HK1: variants seen among roughly 807,000 people sequenced by gnomAD.
HK1 encodes hexokinase-1.
HK1 carries 28 observed loss-of-function variants against 91.6 expected under a neutral mutation model. The ratio of observed to expected loss-of-function variants is 0.31; its 90% CI spans 0.23 to 0.42. The LOEUF (loss-of-function observed/expected upper bound fraction) is 0.42. HK1 is among the 10% of genes least tolerant of loss of function. The pLI is 1.00. For missense variants in HK1, 770 were observed against 1,219.8 expected, an observed-to-expected ratio of 0.63 and a Z score of 5.49; for synonymous variants, 430 against 468.1, an observed-to-expected ratio of 0.92 and a Z score of 1.05.
intron 3 of HK1, among the ~76,000 whole-genome samples, chr10:69,292,645 G>T (rs1018695660): frequency 6.6e-6 from 1 of 152,142 alleles, no homozygotes; most frequent in Non-Finnish European, 1.5e-5. Context: ...TCTGGGTCTG[G>T]GCACTAAGAT....
At chr10:69,392,720 G>T (rs544128401) in intron 15 of HK1, among the ~76,000 whole-genome samples, 8 of 151,542 alleles carry the variant, frequency 5.3e-5, no homozygotes, top group African/African-American at 2.0e-4. Flanking sequence ...TAGTGGCCTT[G>T]TGGAGCTTTG....
chr10:69,310,852 T>G (rs1846337542), upstream of HK1, among the ~76,000 whole-genome samples: 1 of 151,900 alleles, frequency 6.6e-6, no homozygotes, highest in Non-Finnish European at 1.5e-5. Context: ...AGGTCAGGAG[T>G]TCGAGACCAG....
chr10:69,382,518 C>A lies in HK1; in HGVS notation c.1297C>A (p.Arg433Ser). The A allele has an allele frequency of 6.2e-7, 1 of 1,614,208 alleles. No individual in the cohort carries two copies. Among genetic ancestry groups the A allele is most frequent in the Non-Finnish European group, 8.5e-7 (1 of 1,180,032 alleles). ...YSRRFHKTLR[R>S]LVPDSDVRFL... ...CCGGCGTTTCCACAAGACTCTAAGG[C>A]GCTTGGTGCCAGACTCCGATGTGCG... The change falls in exon 10 of 18, where the codon CGC (arginine) becomes AGC (serine). Residue 433 changes from arginine to serine, a missense_variant. Coordinates refer to ENST00000359426, the MANE Select transcript of HK1 (RefSeq NM_000188.3).
At chr10:69,322,635 A>G (rs555151921) in intron 1 of HK1, among the ~76,000 whole-genome samples, 1 of 152,352 alleles carries the variant, frequency 6.6e-6, no homozygotes, top group East Asian at 1.9e-4. Flanking sequence ...TCACACCTGT[A>G]ATCTCAGCAC....
chr10:69,298,516 A>G (rs1305076368), intron 4 of HK1, among the ~76,000 whole-genome samples: 1 of 151,846 alleles, frequency 6.6e-6, no homozygotes, highest in Non-Finnish European at 1.5e-5. Context: ...AATCCCAGCT[A>G]CTTGAGAGGC....
At chr10:69,346,597 C>G (rs1848575456) in intron 2 of HK1, among the ~76,000 whole-genome samples, 1 of 151,704 alleles carries the variant, frequency 6.6e-6, no homozygotes, top group Non-Finnish European at 1.5e-5. Context: ...GTCTTGAACT[C>G]CTAGGCTCAG....
intron 2 of HK1, among the ~76,000 whole-genome samples, chr10:69,351,230 A>G (rs1445808113): frequency 4.1e-5 from 6 of 147,418 alleles, no homozygotes; most frequent in African/African-American, 1.5e-4. Context: ...AAGCTAGGCC[A>G]GGCACGGTGG....
intron 3 of HK1, 97 bp downstream of exon 3, chr10:69,360,142 G>A: frequency 8.3e-7 from 1 of 1,211,066 alleles, no homozygotes; most frequent in African/African-American, 1.5e-5. Flanking sequence ...CCAAGCCCCT[G>A]GAAGAGGGTT....
intron 2 of HK1, among the ~76,000 whole-genome samples, chr10:69,356,070 G>A (rs1020021337): frequency 6.6e-6 from 1 of 152,130 alleles, no homozygotes; most frequent in South Asian, 2.1e-4. Flanking sequence ...CCTTGGATTT[G>A]GCAATAGAGT....
rs185795466 is a variant in HK1 at position 69,309,812 on chromosome 10, C to T, written c.27+8951C>T. ...CTGTAATCCTAGCACTTTGGGAGGCCGAGGCAGGCAGATCACCTGAGGTCA... is the reference window on the plus strand; with the variant it reads ...CTGTAATCCTAGCACTTTGGGAGGCTGAGGCAGGCAGATCACCTGAGGTCA... On this transcript the variant is annotated intron_variant, in intron 5 of 21. Transcript: ENST00000360289. Among the ~76,000 whole-genome samples, 292 of 150,810 alleles carry T rather than the reference C, an allele frequency of 1.9e-3. 1 individual carries two copies. The highest frequency in any genetic ancestry group is 0.016 in the South Asian group (77 of 4,766).
At position 69,286,089 on chromosome 10, in the gene HK1, C is replaced by T. The variant is rs187667298; in HGVS notation, c.-214-2582C>T. Among the ~76,000 whole-genome samples, 3 of 152,232 alleles carry T rather than the reference C, an allele frequency of 2.0e-5. No homozygotes were observed. In the East Asian group the frequency reaches 5.8e-4, roughly 29 times the overall value. On this transcript the variant is annotated intron_variant, in intron 2 of 21. Coordinates refer to the HK1 transcript ENST00000360289. ...CTCATAGCAGTGTTTTAACTAGACTCGGGAAGTTGCCTGGGGATCAGAAAG... is the reference window on the plus strand; with the variant it reads ...CTCATAGCAGTGTTTTAACTAGACTTGGGAAGTTGCCTGGGGATCAGAAAG...
At chr10:69,275,416 T>C (rs1178631773) in intron 1 of HK1, among the ~76,000 whole-genome samples, 5 of 152,022 alleles carry the variant, frequency 3.3e-5, no homozygotes, top group Admixed American at 3.3e-4. Flanking sequence ...AATTTGTACA[T>C]TTGTAATTTC....
chr10:69,369,435 G>A lies in HK1; in HGVS notation c.692-6G>A. On this transcript the variant is annotated splice_polypyrimidine_tract_variant and splice_region_variant and intron_variant, in intron 6 of 17. Transcript: ENST00000359426. The surrounding 1 kb of genome is among the most constrained non-coding windows in gnomAD (Gnocchi z 4.4). Reference sequence around the variant, plus strand: ...TGGTCATAGCTTCTGATCTTGTCCTGCCCAGGCACTGGCACCAATGCTTGC... The same window carrying A: ...TGGTCATAGCTTCTGATCTTGTCCTACCCAGGCACTGGCACCAATGCTTGC... 6.2e-7 allele frequency: 1 copy of A among 1,614,206 alleles called. No individual in the cohort carries two copies. Among genetic ancestry groups the A allele is most frequent in the Non-Finnish European group, 8.5e-7 (1 of 1,180,042 alleles).
upstream of HK1, chr10:69,315,829 C>T (rs1846608387): frequency 3.3e-6 from 3 of 900,212 alleles, no homozygotes; most frequent in African/African-American, 1.6e-5. Flanking sequence ...AGAGCACTGG[C>T]TGGGCATCAG....
At chr10:69,322,907 G>C (rs936742001) in intron 1 of HK1, among the ~76,000 whole-genome samples, 3 of 135,164 alleles carry the variant, frequency 2.2e-5, no homozygotes, top group Admixed American at 7.7e-5. Flanking sequence ...AAAAAAAAAT[G>C]CCCATTCATT....
intron 1 of HK1, among the ~76,000 whole-genome samples, chr10:69,270,807 C>T (rs1844117970): frequency 6.6e-6 from 1 of 152,138 alleles, no homozygotes; most frequent in African/African-American, 2.4e-5. Flanking sequence ...AATGGGTGCT[C>T]CATGAGAATA....
chr10:69,387,015 G>A (rs72807751), intron 13 of HK1, among the ~76,000 whole-genome samples: 15,101 of 151,966 alleles, frequency 0.099, 961 homozygotes, highest in South Asian at 0.22. Context: ...GGCACAGCCT[G>A]GCACTCTCAG....
chr10:69,285,379 G>A (rs1844979405), intron 2 of HK1, among the ~76,000 whole-genome samples: 1 of 152,018 alleles, frequency 6.6e-6, no homozygotes, highest in South Asian at 2.1e-4. Context: ...AGCCGAGATT[G>A]CGCCACTGCA....
At chr10:69,292,464 C>G (rs929009535) in intron 3 of HK1, 4 of 318,758 alleles carry the variant, frequency 1.3e-5, no homozygotes, top group Non-Finnish European at 2.5e-5. Flanking sequence ...ACCCCTGATT[C>G]TTACAGGGAC....
Sources: allele counts gnomAD v4.1 joint callset (sites outside exome capture counted in the v4.1 genomes callset), GRCh38; gene constraint gnomAD v4.1.1; non-coding constraint Gnocchi (gnomAD v3.1); transcripts MANE v1.5; gene names NCBI Gene and HGNC (gene_info 2026-07-23, HGNC 2026-07-21).